Variants in KCNQ5 observed in about 807,000 individuals in gnomAD.
KCNQ5 encodes potassium voltage-gated channel subfamily Q member 5.
A neutral mutation model predicts 98.2 loss-of-function variants in KCNQ5; 30 were observed. That is an observed-to-expected ratio of 0.31 (90% CI 0.23 to 0.41). The LOEUF is 0.41. Ranked by LOEUF, KCNQ5 falls within the 10% of genes least tolerant of loss-of-function variation. KCNQ5 has a pLI of 1.00. For missense variants in KCNQ5, 835 were observed against 1,182.5 expected, an observed-to-expected ratio of 0.71 and a Z score of 4.31; for synonymous variants, 458 against 449.4, an observed-to-expected ratio of 1.02 and a Z score of -0.24.
At chr6:72,859,191 T>G (rs1777655999) in intron 1 of KCNQ5, among the ~76,000 whole-genome samples, 1 of 152,134 alleles carries the variant, frequency 6.6e-6, no homozygotes, top group Non-Finnish European at 1.5e-5. Flanking sequence ...AGAGTTGTAT[T>G]ATAATATTTG....
chr6:72,837,354 A>G (rs1419317264), intron 1 of KCNQ5, among the ~76,000 whole-genome samples: 2 of 152,182 alleles, frequency 1.3e-5, no homozygotes, highest in Non-Finnish European at 2.9e-5. Flanking sequence ...ATATGAAGAA[A>G]CTATTATTTG....
At chr6:73,085,854 T>C (rs1773968634) in intron 5 of KCNQ5, among the ~76,000 whole-genome samples, 2 of 152,178 alleles carry the variant, frequency 1.3e-5, no homozygotes, top group African/African-American at 4.8e-5. Flanking sequence ...AAATGTATTA[T>C]TGGAATGAAA....
chr6:72,852,718 A>G (rs1777329800), intron 1 of KCNQ5, among the ~76,000 whole-genome samples: 2 of 145,082 alleles, frequency 1.4e-5, no homozygotes, highest in African/African-American at 2.6e-5. Flanking sequence ...CCTCAATAAA[A>G]AAAAGATAAA....
intron 11 of KCNQ5, among the ~76,000 whole-genome samples, chr6:73,181,281 C>T (rs1394275363): frequency 2.0e-5 from 3 of 152,180 alleles, no homozygotes; most frequent in African/African-American, 7.2e-5. Flanking sequence ...CTCTTCATAA[C>T]CAACAGCATC....
chr6:72,985,357 G>A lies in KCNQ5; in HGVS notation c.399-18551G>A, dbSNP rs563646984. The stretch of plus-strand genomic sequence containing the variant: ...TGTAACTAACAGCATATTTTTAACA[G>A]TTTAAAAAACCACAGTCATCAAGAG... On this transcript the variant is annotated intron_variant, in intron 1 of 13. Transcript: ENST00000370398. Among the ~76,000 whole-genome samples the A allele has an allele frequency of 4.6e-5, 7 of 152,288 alleles. No homozygotes were observed. The South Asian group carries it at 1.5e-3, about 32-fold the overall frequency.
At chr6:73,072,108 T>G (rs952149068) in intron 3 of KCNQ5, among the ~76,000 whole-genome samples, 1 of 151,992 alleles carries the variant, frequency 6.6e-6, no homozygotes, top group Non-Finnish European at 1.5e-5. Flanking sequence ...CAAGATGAAG[T>G]GAGTTTAAAG....
At chr6:72,953,886 C>G (rs1253419219) in intron 1 of KCNQ5, among the ~76,000 whole-genome samples, 1 of 152,064 alleles carries the variant, frequency 6.6e-6, no homozygotes, top group Non-Finnish European at 1.5e-5. Flanking sequence ...GAGGAGACAG[C>G]ACAGCCAATA....
chr6:72,950,503 T>A (rs1032119544), intron 1 of KCNQ5, among the ~76,000 whole-genome samples: 3 of 152,198 alleles, frequency 2.0e-5, no homozygotes, highest in Non-Finnish European at 4.4e-5. Flanking sequence ...ATGGTTTCCA[T>A]GCATGAATCA....
chr6:72,700,532 A>G (rs767636890), intron 1 of KCNQ5, among the ~76,000 whole-genome samples: 2 of 152,202 alleles, frequency 1.3e-5, no homozygotes, highest in Non-Finnish European at 2.9e-5. Flanking sequence ...TCTAAACCAC[A>G]GTGAAAATTG....
intron 1 of KCNQ5, among the ~76,000 whole-genome samples, chr6:73,001,128 C>T (rs1769548752): frequency 6.6e-6 from 1 of 152,210 alleles, no homozygotes; most frequent in South Asian, 2.1e-4. Flanking sequence ...AAGACCATCT[C>T]AAACACCATC....
intron 3 of KCNQ5, among the ~76,000 whole-genome samples, chr6:73,076,257 G>C (rs1324846042): frequency 6.6e-6 from 1 of 152,178 alleles, no homozygotes; most frequent in Non-Finnish European, 1.5e-5. Context: ...TTAATCCAGA[G>C]GATGACAGAA....
chr6:72,803,292 A>C (rs1226322994), intron 1 of KCNQ5, among the ~76,000 whole-genome samples: 1 of 152,200 alleles, frequency 6.6e-6, no homozygotes, highest in Non-Finnish European at 1.5e-5. Flanking sequence ...TAGACTCAAC[A>C]AAAATCTGGG....
intron 1 of KCNQ5, among the ~76,000 whole-genome samples, chr6:72,911,809 G>GT (rs796851555): frequency 2.0e-5 from 3 of 152,078 alleles, no homozygotes; most frequent in Admixed American, 6.6e-5. Flanking sequence ...TAAAGACAAA[G>GT]TTTTTTATTT....
At chr6:72,951,631 A>C (rs1346773414) in intron 1 of KCNQ5, among the ~76,000 whole-genome samples, 1 of 152,014 alleles carries the variant, frequency 6.6e-6, no homozygotes, top group East Asian at 1.9e-4. Context: ...GTCCTCCCCT[A>C]AGATACGTAA....
chr6:72,745,417 A>G (rs187263619), intron 1 of KCNQ5, among the ~76,000 whole-genome samples: 47 of 152,364 alleles, frequency 3.1e-4, no homozygotes, highest in African/African-American at 9.9e-4. Context: ...AATTTCTAGG[A>G]GCCACATCCA....
At chr6:72,674,218 T>G (rs1767288815) in intron 1 of KCNQ5, among the ~76,000 whole-genome samples, 2 of 150,384 alleles carry the variant, frequency 1.3e-5, no homozygotes, top group Non-Finnish European at 3.0e-5. Context: ...ATGTTTTGAT[T>G]TTTTTTTTTG....
chr6:73,038,555 C>A (rs575577219), intron 2 of KCNQ5, among the ~76,000 whole-genome samples: 4 of 151,828 alleles, frequency 2.6e-5, no homozygotes, highest in Non-Finnish European at 5.9e-5. Context: ...TCCTAACTTG[C>A]CAAGAGTTTT....
At chr6:72,666,515 C>T (rs1238991221) in intron 1 of KCNQ5, among the ~76,000 whole-genome samples, 1 of 152,030 alleles carries the variant, frequency 6.6e-6, no homozygotes, top group Non-Finnish European at 1.5e-5. Context: ...AATTTAGATT[C>T]GTAAGTTTGA....
At chr6:73,158,254 A>ATTT (rs796118861) in intron 10 of KCNQ5, 48 of 23,400 alleles carry the variant, frequency 2.1e-3, no homozygotes, top group Non-Finnish European at 2.6e-3. Flanking sequence ...ATTTTGGAAG[A>ATTT]TTTTTTTTTT....
Sources: allele counts gnomAD v4.1 joint callset (sites outside exome capture counted in the v4.1 genomes callset), GRCh38; gene constraint gnomAD v4.1.1; transcripts MANE v1.5; gene names NCBI Gene and HGNC (gene_info 2026-07-23, HGNC 2026-07-21).